Variants in CLASP2 observed in about 807,000 individuals in gnomAD.
CLASP2 encodes cytoplasmic linker associated protein 2.
CLASP2 carries 47 observed loss-of-function variants against 194.4 expected under a neutral mutation model. The ratio of observed to expected loss-of-function variants is 0.24; its 90% CI spans 0.19 to 0.31. The LOEUF is 0.31. Among genes scored for constraint, CLASP2 ranks in the 10% least tolerant of loss-of-function variants. The probability of loss-of-function intolerance (pLI) is 1.00; values close to 1 mark genes in which losing one functional copy is unlikely to be tolerated. For synonymous variants in CLASP2, 619 were observed against 633.5 expected (o/e 0.98, Z 0.34); for missense variants, 1,445 against 1,823.6 (o/e 0.79, Z 3.78).
At chr3:33,605,526 C>T (rs958255176) in intron 16 of CLASP2, among the ~76,000 whole-genome samples, 1 of 152,138 alleles carries the variant, frequency 6.6e-6, no homozygotes, top group African/African-American at 2.4e-5. Flanking sequence ...ACCCTAGGTG[C>T]CTCACTTGCC....
intron 1 of CLASP2, among the ~76,000 whole-genome samples, chr3:33,713,012 C>CAGAAAAAAAAAAAAAAAAAA (rs1559717375): frequency 2.1e-4 from 10 of 46,988 alleles, no homozygotes; most frequent in Non-Finnish European, 3.0e-4. Flanking sequence ...AACTCCACCT[C>CAGAAAAAAAAAAAAAAAAAA]AAAAAAAAAA....
In CLASP2 at chr3:33,622,334, A is replaced by C. The variant is rs1319185885; in HGVS notation, c.1036-54T>G. On this transcript the variant is annotated intron_variant, in intron 10 of 38. Transcript: ENST00000682230. ...AAAAAGGTGGAAGTGCAAAAAAAAG[A>C]AGCTACCTAAACTTCATTATTCAAA... 6.6e-6 allele frequency: 9 copies of C among 1,356,128 alleles called. 1 individual carries two copies. The Middle Eastern group carries it at 5.8e-4, about 87-fold the overall frequency. 84.0% of individuals were successfully genotyped at this position (1,356,128 alleles called of 1,614,324 possible).
At chr3:33,542,316 T>TTA (rs1307470224) in intron 32 of CLASP2, among the ~76,000 whole-genome samples, 1 of 148,688 alleles carries the variant, frequency 6.7e-6, no homozygotes, top group Non-Finnish European at 1.5e-5. Flanking sequence ...TTATATATGT[T>TTA]TATATATATA....
At chr3:33,537,593 A>G (rs753596381) in intron 33 of CLASP2, among the ~76,000 whole-genome samples, 1 of 152,214 alleles carries the variant, frequency 6.6e-6, no homozygotes, top group African/African-American at 2.4e-5. Context: ...ACAATATTCA[A>G]ATATGTCAAT....
intron 34 of CLASP2, among the ~76,000 whole-genome samples, chr3:33,533,413 A>G (rs1395856938): frequency 6.6e-6 from 1 of 152,214 alleles, no homozygotes; most frequent in Admixed American, 6.5e-5. Flanking sequence ...GGTAACAAAA[A>G]CACTCCTCAA....
At chr3:33,651,467 A>G (rs2083200181) in intron 7 of CLASP2, among the ~76,000 whole-genome samples, 1 of 151,932 alleles carries the variant, frequency 6.6e-6, no homozygotes, top group East Asian at 1.9e-4. Flanking sequence ...AAACTGTTAC[A>G]TAATACATGG....
In CLASP2 at chr3:33,685,532, A is replaced by G. The variant is rs557092145; in HGVS notation, c.547-1076T>C. ...AATATTCACAACAGCATTATTCACA[A>G]CAGCCAAATGTGGAAACAACCAAAA... On this transcript the variant is annotated intron_variant, in intron 5 of 38. Coordinates refer to ENST00000682230, the MANE Select transcript of CLASP2 (RefSeq NM_001365631.1). 6.6e-4 allele frequency among the ~76,000 whole-genome samples: 101 copies of G among 152,170 alleles called. 1 individual carries two copies. The highest frequency in any genetic ancestry group is 7.9e-4 in the Non-Finnish European group (54 of 68,014).
chr3:33,551,777 C>T (rs770113223), intron 29 of CLASP2, among the ~76,000 whole-genome samples: 1 of 152,202 alleles, frequency 6.6e-6, no homozygotes, highest in Non-Finnish European at 1.5e-5. Context: ...AGATTATAAA[C>T]ATTTCCTTAA....
Position 33,596,717 on chromosome 3 carries a change from G to T in CLASP2, c.1942C>A (p.Leu648Met). The T allele has an allele frequency of 1.3e-6, 2 of 1,568,114 alleles. No individual in the cohort carries two copies. Among genetic ancestry groups the T allele is most frequent in the South Asian group, 1.2e-5 (1 of 84,684 alleles). Residue 648 changes from leucine to methionine, a missense_variant, in exon 19 of 39, where the codon CTG becomes ATG. Physicochemically the swap from Leu to Met is conservative, Grantham distance 15. Coordinates refer to ENST00000682230, the MANE Select transcript of CLASP2 (RefSeq NM_001365631.1). ...YASLEDTSDKLDGTASEDGRV... is the reference protein window; with the variant it reads ...YASLEDTSDKMDGTASEDGRV... Reference sequence around the variant, plus strand: ...TAGGAAAGGAAGTTCTTACCATCCAGCTTGTCAGAAGTATCCTCTTTGATG... The same window carrying T: ...TAGGAAAGGAAGTTCTTACCATCCATCTTGTCAGAAGTATCCTCTTTGATG...
intron 7 of CLASP2, among the ~76,000 whole-genome samples, chr3:33,651,421 G>A (rs1030399438): frequency 2.1e-5 from 3 of 144,942 alleles, no homozygotes; most frequent in African/African-American, 7.5e-5. Flanking sequence ...AAACATTAAT[G>A]TGCTTGATTA....
intron 34 of CLASP2, among the ~76,000 whole-genome samples, chr3:33,519,480 T>G (rs1379146589): frequency 6.6e-6 from 1 of 152,090 alleles, no homozygotes. Flanking sequence ...AAATTTTAGA[T>G]TTTAAAAACA....
At chr3:33,597,507 TAC>T (rs1329739604) in intron 18 of CLASP2, among the ~76,000 whole-genome samples, 1 of 152,178 alleles carries the variant, frequency 6.6e-6, no homozygotes, top group African/African-American at 2.4e-5. Flanking sequence ...TGAACTCTGC[TAC>T]AGTTTGCCTA....
intron 9 of CLASP2, among the ~76,000 whole-genome samples, chr3:33,629,340 T>C (rs2078639119): frequency 6.6e-6 from 1 of 152,298 alleles, no homozygotes; most frequent in African/African-American, 2.4e-5. Context: ...CAGAAAATAC[T>C]AGGCTTTGAA....
chr3:33,618,482 C>T (rs920902480), intron 12 of CLASP2, among the ~76,000 whole-genome samples: 2 of 151,654 alleles, frequency 1.3e-5, no homozygotes, highest in Non-Finnish European at 2.9e-5. Flanking sequence ...CCTGTCTCTA[C>T]TAAAAATACA....
chr3:33,665,102 CAAA>C (rs201253172), intron 6 of CLASP2, among the ~76,000 whole-genome samples: 1 of 114,022 alleles, frequency 8.8e-6, no homozygotes, highest in African/African-American at 3.3e-5. Flanking sequence ...GATTTTGTCT[CAAA>C]AAAAAAAAAA....
intron 35 of CLASP2, 45 bp from the exon 36 acceptor site, chr3:33,516,196 T>C (rs762741720): frequency 6.5e-7 from 1 of 1,535,390 alleles, no homozygotes; most frequent in Admixed American, 2.2e-5. Flanking sequence ...GGGTTGTAGA[T>C]AATCTTTAAC....
chr3:33,671,742 T>A (rs1218923727), intron 6 of CLASP2, among the ~76,000 whole-genome samples: 1 of 152,190 alleles, frequency 6.6e-6, no homozygotes, highest in Non-Finnish European at 1.5e-5. Context: ...CCCACCTGAA[T>A]ACTGCGCTTT....
intron 12 of CLASP2, among the ~76,000 whole-genome samples, chr3:33,619,315 C>T (rs576759238): frequency 1.1e-4 from 17 of 152,268 alleles, no homozygotes; most frequent in African/African-American, 4.1e-4. Flanking sequence ...ATTATACACA[C>T]ACGTAACTGT....
chr3:33,577,278 A>C (rs1428085638), intron 23 of CLASP2: 12 of 1,593,918 alleles, frequency 7.5e-6, no homozygotes, highest in African/African-American at 1.3e-5. Context: ...GAATAACAGG[A>C]CCATACAAAC....
Sources: allele counts gnomAD v4.1 joint callset (sites outside exome capture counted in the v4.1 genomes callset), GRCh38; gene constraint gnomAD v4.1.1; transcripts MANE v1.5; gene names NCBI Gene and HGNC (gene_info 2026-07-23, HGNC 2026-07-21).